Variants in UHRF1 observed in about 807,000 individuals in gnomAD.
The protein encoded by UHRF1 is ubiquitin like with PHD and ring finger domains 1, also known as E3 ubiquitin-protein ligase UHRF1.
Under a neutral mutation model 96.5 loss-of-function variants are expected in UHRF1, and 9 were observed. The ratio of observed to expected loss-of-function variants is 0.09; its 90% CI spans 0.06 to 0.16. UHRF1 has a LOEUF of 0.16. UHRF1 is among the 10% of genes least tolerant of loss of function. UHRF1 has a pLI of 1.00. For missense variants in UHRF1, 626 were observed against 1,131.1 expected, an observed-to-expected ratio of 0.55 and a Z score of 6.40; for synonymous variants, 455 against 469.9, an observed-to-expected ratio of 0.97 and a Z score of 0.41.
chr19:4,952,422 G>GTCTCACTC (rs906010450), intron 13 of UHRF1, among the ~76,000 whole-genome samples: 1 of 118,624 alleles, frequency 8.4e-6, no homozygotes, highest in Non-Finnish European at 1.6e-5. Flanking sequence ...TGGAGACAGA[G>GTCTCACTC]TCTCACTCTG....
intron 2 of UHRF1, among the ~76,000 whole-genome samples, 163 bp downstream of exon 2, chr19:4,911,201 G>C (rs1299238220): frequency 6.6e-6 from 1 of 151,694 alleles, no homozygotes; most frequent in East Asian, 1.9e-4. Context: ...TCAAATGCCT[G>C]CGAGAGGAAG....
chr19:4,947,065 C>A lies in UHRF1; in HGVS notation c.1411-40C>A, dbSNP rs569099254. The A allele has an allele frequency of 2.0e-4, 281 of 1,415,144 alleles. 5 individuals are homozygous for A. The South Asian group carries it at 3.4e-3, about 17-fold the overall frequency. 87.7% of individuals were successfully genotyped at this position (1,415,144 alleles called of 1,614,324 possible). ...AATGCAGTCTCTTTTTTTTTTTTTGCCTCTGCAGAGGGTTCACCCAGCCTT... is the reference window on the plus strand; with the variant it reads ...AATGCAGTCTCTTTTTTTTTTTTTGACTCTGCAGAGGGTTCACCCAGCCTT... On this transcript the variant is annotated intron_variant, in intron 10 of 16. Transcript: ENST00000650932.
intron 7 of UHRF1, among the ~76,000 whole-genome samples, chr19:4,943,004 C>G (rs1360438028): frequency 6.6e-6 from 1 of 151,650 alleles, no homozygotes; most frequent in Non-Finnish European, 1.5e-5. Flanking sequence ...CTTTGGGAGG[C>G]TAAGGTGGGT....
intron 15 of UHRF1, among the ~76,000 whole-genome samples, chr19:4,955,805 A>G (rs2033842687): frequency 6.6e-6 from 1 of 151,848 alleles, no homozygotes; most frequent in East Asian, 1.9e-4. Context: ...CCATGCCTCT[A>G]AATTTTTTTG....
rs112369045 is a variant in UHRF1, at chr19:4,944,536, G to C, written c.1305+86G>C. 8.1e-4 allele frequency: 1,184 copies of C among 1,468,404 alleles called. 8 individuals are homozygous for C. In the African/African-American group the frequency reaches 0.013, roughly 16 times the overall value. The allele number at this position is 1,468,404 out of a possible 1,614,324, so 91.0% of individuals were successfully genotyped here. A position where few individuals can be genotyped will look rare whatever the true frequency, so the allele number is the denominator to read the frequency against. Reference sequence around the variant, plus strand: ...AGTTTCTCCTGGCTTTGGCCAGCCAGGGGTCAGGGTGGTTACCAGTGGTGC... The same window carrying C: ...AGTTTCTCCTGGCTTTGGCCAGCCACGGGTCAGGGTGGTTACCAGTGGTGC... On this transcript the variant is annotated intron_variant, in intron 9 of 16. Coordinates refer to ENST00000650932, the MANE Select transcript of UHRF1 (RefSeq NM_001048201.3).
chr19:4,913,655 A>C (rs1476943129), intron 2 of UHRF1, among the ~76,000 whole-genome samples: 2 of 152,018 alleles, frequency 1.3e-5, no homozygotes, highest in Non-Finnish European at 2.9e-5. Context: ...TGGGATTGGA[A>C]CCTGGGATTT....
At chr19:4,955,407 G>T (rs939779386) in intron 15 of UHRF1, among the ~76,000 whole-genome samples, 5 of 151,894 alleles carry the variant, frequency 3.3e-5, no homozygotes, top group Admixed American at 2.0e-4. Flanking sequence ...TCACTCTCCC[G>T]CCCTCTCTCG....
In UHRF1 at chr19:4,930,804, G is replaced by A. The variant is rs772979724; in HGVS notation, c.497G>A (p.Arg166Gln). ...VVRVTRKAPS[R>Q]DEPCSSTSRP... ...AGGGTGACGCGGAAGGCCCCCTCCCGGGACGAGCCCTGCAGCTCCACGTCC... is the reference window on the plus strand; with the variant it reads ...AGGGTGACGCGGAAGGCCCCCTCCCAGGACGAGCCCTGCAGCTCCACGTCC... Residue 166 changes from arginine to glutamine, a missense_variant, in exon 4 of 17, where the codon CGG becomes CAG. Arg to Gln is a conservative substitution (Grantham distance 43). Coordinates refer to ENST00000650932, the MANE Select transcript of UHRF1 (RefSeq NM_001048201.3). The surrounding 1 kb of genome is among the most constrained non-coding windows in gnomAD (Gnocchi z 4.4). 6.8e-6 allele frequency: 11 copies of A among 1,613,850 alleles called. No individual in the cohort carries two copies. Among genetic ancestry groups the A allele is most frequent in the African/African-American group, 1.3e-5 (1 of 74,926 alleles).
In UHRF1 at chr19:4,960,889, A is replaced by G; in HGVS notation, c.*86A>G. The stretch of plus-strand genomic sequence containing the variant: ...CACTGATTTTGTTCTTAGTGGGCTT[A>G]ACTTAAACAGGTAGTGTTTCCTCCG... On this transcript the variant is annotated 3_prime_UTR_variant, in exon 17 of 17. Transcript: ENST00000650932. 2.8e-6 allele frequency: 2 copies of G among 703,758 alleles called. No homozygotes were observed. Among genetic ancestry groups the G allele is most frequent in the Non-Finnish European group, 4.7e-6 (2 of 422,730 alleles). 43.6% of individuals were successfully genotyped at this position (703,758 alleles called of 1,614,324 possible).
intron 2 of UHRF1, among the ~76,000 whole-genome samples, 197 bp from the exon 3 acceptor site, chr19:4,929,025 T>C (rs895730484): frequency 6.6e-6 from 1 of 152,158 alleles, no homozygotes; most frequent in Non-Finnish European, 1.5e-5. Context: ...CCTGAGACCC[T>C]GAGGGAAGGG....
chr19:4,938,004 A>G (rs1001717320), intron 5 of UHRF1, among the ~76,000 whole-genome samples: 3 of 152,116 alleles, frequency 2.0e-5, no homozygotes, highest in Non-Finnish European at 4.4e-5. Flanking sequence ...AAATACAAAA[A>G]TTAGCTGGGC....
Position 4,944,148 on chromosome 19 carries a change from C to T in UHRF1, c.1090C>T (p.Arg364Trp), listed in dbSNP as rs1192810423. Residue 364 changes from arginine (R) to tryptophan (W), a missense_variant, in exon 8 of 17, where the codon CGG becomes TGG. Arg to Trp is a moderately radical substitution (Grantham distance 101). This residue lies in a region of UHRF1 where 69 missense variants were observed against 159.8 expected (regional missense o/e 0.43). Coordinates refer to ENST00000650932, the MANE Select transcript of UHRF1 (RefSeq NM_001048201.3). ...SEDEWYCPEC[R>W]NDASEVVLAG... ...ACCTCGCAGGTACTGCCCTGAGTGC[C>T]GGAATGATGCCAGCGAGGTGGTACT... The T allele has an allele frequency of 6.2e-6, 10 of 1,613,906 alleles. No homozygotes were observed. The highest frequency in any genetic ancestry group is 1.3e-5 in the African/African-American group (1 of 75,050).
rs771594489 is a variant in UHRF1 at position 4,910,807 on chromosome 19, C to A, written c.-10-69C>A. 7.9e-6 allele frequency: 12 copies of A among 1,513,486 alleles called. No homozygotes were observed. In the East Asian group the frequency reaches 2.1e-4, roughly 26 times the overall value. The allele number at this position is 1,513,486 out of a possible 1,614,324, so 93.8% of individuals were successfully genotyped here. On this transcript the variant is annotated intron_variant, in intron 1 of 16. Coordinates refer to ENST00000650932, the MANE Select transcript of UHRF1 (RefSeq NM_001048201.3). Reference sequence around the variant, plus strand: ...AGGCCGGACAAAAGCAACCCCGACTCCTTAGAGCATGGCATGGCTCAGAGG... The same window carrying A: ...AGGCCGGACAAAAGCAACCCCGACTACTTAGAGCATGGCATGGCTCAGAGG...
intron 3 of UHRF1, among the ~76,000 whole-genome samples, chr19:4,929,850 G>T (rs1402093247): frequency 6.6e-6 from 1 of 151,978 alleles, no homozygotes; most frequent in Non-Finnish European, 1.5e-5. Flanking sequence ...GCCCAGCCTG[G>T]GGTGCAGCCG....
At chr19:4,947,050 C>CTT (rs374695577) in intron 10 of UHRF1, 55 bp from the exon 11 acceptor site, 478 of 1,152,570 alleles carry the variant, frequency 4.1e-4, no homozygotes, top group South Asian at 6.2e-4. Context: ...AATGCAGTCT[C>CTT]TTTTTTTTTT....
At chr19:4,957,657 C>G (rs1205032952) in intron 16 of UHRF1, among the ~76,000 whole-genome samples, 1 of 152,168 alleles carries the variant, frequency 6.6e-6, no homozygotes, top group African/African-American at 2.4e-5. Flanking sequence ...GACAGGGTCT[C>G]TTCCCCCCTG....
rs79598037 is a variant in UHRF1, at chr19:4,958,249, C to T, written c.2235+1436C>T. Reference sequence around the variant, plus strand: ...CATGGTGTCTTTGGGGCTGGTGGTCCGGGTCTGGCCATCTGTCACCTCTCA... The same window carrying T: ...CATGGTGTCTTTGGGGCTGGTGGTCTGGGTCTGGCCATCTGTCACCTCTCA... On this transcript the variant is annotated intron_variant, in intron 16 of 16. Transcript: ENST00000650932. 7.2e-5 allele frequency among the ~76,000 whole-genome samples: 11 copies of T among 152,314 alleles called. No individual in the cohort carries two copies. In the South Asian group the frequency reaches 1.0e-3, roughly 14 times the overall value.
At chr19:4,910,548 C>G (rs536800488) in intron 1 of UHRF1, 2 of 260,710 alleles carry the variant, frequency 7.7e-6, no homozygotes, top group East Asian at 1.3e-4. Context: ...ATAAACGAAC[C>G]AACTCGGCCA....
intron 13 of UHRF1, among the ~76,000 whole-genome samples, chr19:4,952,883 G>GT (rs564637895): frequency 7.9e-5 from 12 of 152,218 alleles, no homozygotes; most frequent in Non-Finnish European, 1.8e-4. Context: ...CTGGGGTCAG[G>GT]TGTTCGTAAG....
Sources: gnomAD v4.1 joint callset for allele counts (sites outside exome capture counted in the v4.1 genomes callset) on GRCh38, gnomAD v4.1.1 for gene constraint, gnomAD v4.1.1 regional missense constraint, Gnocchi (gnomAD v3.1) non-coding constraint, MANE v1.5 for transcripts, NCBI Gene and HGNC (gene_info 2026-07-23, HGNC 2026-07-21) for gene names.